Variants in KCND2 observed in about 807,000 individuals in gnomAD.
KCND2 encodes potassium voltage-gated channel subfamily D member 2, also known as A-type voltage-gated potassium channel KCND2.
Under a neutral mutation model 54.4 loss-of-function variants are expected in KCND2, and 16 were observed. The observed-to-expected ratio is 0.29, with a 90% CI of 0.20 to 0.45. The LOEUF is 0.45. Ranked by LOEUF, KCND2 falls within the 20% of genes least tolerant of loss-of-function variation. The pLI is 1.00. For missense variants in KCND2, 486 were observed against 824.2 expected, an observed-to-expected ratio of 0.59 and a Z score of 5.02; for synonymous variants, 317 against 310.7, an observed-to-expected ratio of 1.02 and a Z score of -0.21.
At chr7:120,665,146 A>G (rs1791909767) in intron 1 of KCND2, among the ~76,000 whole-genome samples, 2 of 152,086 alleles carry the variant, frequency 1.3e-5, no homozygotes, top group Admixed American at 6.5e-5. Flanking sequence ...TGCTCATGTT[A>G]TAGTGCAAAC....
intron 1 of KCND2, among the ~76,000 whole-genome samples, chr7:120,497,681 A>T (rs1309704554): frequency 1.3e-5 from 2 of 152,194 alleles, no homozygotes; most frequent in Non-Finnish European, 2.9e-5. Context: ...GTTCAGCAGG[A>T]TAGAGGCAAA....
At chr7:120,411,154 C>G (rs1024430497) in intron 1 of KCND2, among the ~76,000 whole-genome samples, 1 of 151,974 alleles carries the variant, frequency 6.6e-6, no homozygotes, top group Non-Finnish European at 1.5e-5. Context: ...TTGTCTTTTT[C>G]AATGTAAAAA....
chr7:120,332,990 A>G (rs1274099009), intron 1 of KCND2, among the ~76,000 whole-genome samples: 2 of 152,138 alleles, frequency 1.3e-5, no homozygotes, highest in Non-Finnish European at 2.9e-5. Context: ...ATTTAGATCC[A>G]TCTGCCCATC....
intron 1 of KCND2, among the ~76,000 whole-genome samples, chr7:120,727,358 A>G (rs547866042): frequency 6.6e-6 from 1 of 152,334 alleles, no homozygotes; most frequent in African/African-American, 2.4e-5. Flanking sequence ...ATGTTTTAAA[A>G]TTATGCATAT....
At chr7:120,679,232 G>A (rs1402493693) in intron 1 of KCND2, among the ~76,000 whole-genome samples, 1 of 151,690 alleles carries the variant, frequency 6.6e-6, no homozygotes, top group Non-Finnish European at 1.5e-5. Context: ...TTATACTAAA[G>A]GATCTCTCTC....
intron 1 of KCND2, among the ~76,000 whole-genome samples, chr7:120,423,914 A>G (rs988490277): frequency 2.6e-4 from 40 of 152,196 alleles, no homozygotes; most frequent in African/African-American, 9.7e-4. Flanking sequence ...AAACTTTTGA[A>G]TAGAGAGATC....
At chr7:120,730,242 C>CGT (rs1792788483) in intron 1 of KCND2, among the ~76,000 whole-genome samples, 1 of 151,810 alleles carries the variant, frequency 6.6e-6, no homozygotes, top group South Asian at 2.1e-4. Flanking sequence ...TGCGCGCGTG[C>CGT]GTGTGTGTGT....
intron 1 of KCND2, among the ~76,000 whole-genome samples, chr7:120,291,812 T>C (rs891812366): frequency 6.6e-6 from 1 of 151,886 alleles, no homozygotes; most frequent in African/African-American, 2.4e-5. Flanking sequence ...GACCAATTGT[T>C]TTCTTGAGTT....
intron 1 of KCND2, among the ~76,000 whole-genome samples, chr7:120,453,861 CG>C (rs1802155456): frequency 6.6e-6 from 1 of 152,034 alleles, no homozygotes; most frequent in South Asian, 2.1e-4. Flanking sequence ...CCAAGGTGGG[CG>C]GATCATGAGG....
intron 1 of KCND2, among the ~76,000 whole-genome samples, chr7:120,527,081 G>A (rs979134072): frequency 1.3e-5 from 2 of 152,042 alleles, no homozygotes; most frequent in African/African-American, 4.8e-5. Flanking sequence ...TCTGCACAAT[G>A]TACTGGCGGA....
intron 1 of KCND2, among the ~76,000 whole-genome samples, chr7:120,414,391 G>A (rs1801496681): frequency 6.6e-6 from 1 of 151,988 alleles, no homozygotes; most frequent in African/African-American, 2.4e-5. Flanking sequence ...ACTCCCATTT[G>A]ACTATTTTGT....
At chr7:120,384,431 C>A (rs1800958487) in intron 1 of KCND2, among the ~76,000 whole-genome samples, 1 of 150,766 alleles carries the variant, frequency 6.6e-6, no homozygotes, top group Admixed American at 6.6e-5. Context: ...AAAAACTTCT[C>A]CTTGCGCTCC....
chr7:120,356,516 A>G (rs1800507809), intron 1 of KCND2, among the ~76,000 whole-genome samples: 1 of 152,306 alleles, frequency 6.6e-6, no homozygotes, highest in Admixed American at 6.5e-5. Flanking sequence ...GTGATCATAA[A>G]ATTGAAATCC....
intron 1 of KCND2, among the ~76,000 whole-genome samples, chr7:120,475,793 C>T (rs1418505897): frequency 1.3e-5 from 2 of 152,104 alleles, no homozygotes; most frequent in Non-Finnish European, 2.9e-5. Context: ...CAATATAATT[C>T]TGAATATTAC....
chr7:120,402,317 G>C (rs1801274029), intron 1 of KCND2, among the ~76,000 whole-genome samples: 1 of 152,108 alleles, frequency 6.6e-6, no homozygotes, highest in Non-Finnish European at 1.5e-5. Flanking sequence ...CACAAAAAAG[G>C]ATGCTAAGAA....
intron 1 of KCND2, among the ~76,000 whole-genome samples, chr7:120,399,423 T>C (rs1366351072): frequency 6.6e-6 from 1 of 151,650 alleles, no homozygotes; most frequent in Non-Finnish European, 1.5e-5. Flanking sequence ...TTTGAGAAAA[T>C]ATAGGTTTTA....
At chr7:120,558,822 C>T (rs980541151) in intron 1 of KCND2, among the ~76,000 whole-genome samples, 1 of 152,092 alleles carries the variant, frequency 6.6e-6, no homozygotes, top group Non-Finnish European at 1.5e-5. Flanking sequence ...TATACTCAAC[C>T]TAGCCTGATG....
intron 1 of KCND2, among the ~76,000 whole-genome samples, chr7:120,540,385 TTA>T (rs1489903979): frequency 6.6e-6 from 1 of 152,192 alleles, no homozygotes; most frequent in Non-Finnish European, 1.5e-5. Context: ...ACAATATATT[TTA>T]TGTCTTTAAG....
chr7:120,558,196 A>G (rs145039047), intron 1 of KCND2, among the ~76,000 whole-genome samples: 115 of 152,308 alleles, frequency 7.6e-4, no homozygotes, highest in African/African-American at 2.5e-3. Flanking sequence ...TACGCCTCCA[A>G]CCAATTATGA....
Sources: gnomAD v4.1 joint callset for allele counts (sites outside exome capture counted in the v4.1 genomes callset) on GRCh38, gnomAD v4.1.1 for gene constraint, MANE v1.5 for transcripts, NCBI Gene and HGNC (gene_info 2026-07-23, HGNC 2026-07-21) for gene names.